The following SAMD12 variants were observed in gnomAD, a reference collection of about 807,000 sequenced individuals.
The protein encoded by SAMD12 is sterile alpha motif domain-containing protein 12.
In SAMD12, 9 loss-of-function variants were observed where a neutral mutation model predicts 15.0. That is an observed-to-expected ratio of 0.60 (90% CI 0.36 to 1.05). The LOEUF (loss-of-function observed/expected upper bound fraction) is 1.05. Among genes scored for constraint, SAMD12 ranks in the 50% least tolerant of loss-of-function variants. The pLI is 0.01. For synonymous variants in SAMD12, 86 were observed against 90.1 expected (o/e 0.96, Z 0.25); for missense variants, 230 against 234.2 (o/e 0.98, Z 0.12).
At chr8:118,537,617 G>T (rs1825881643) in intron 2 of SAMD12, among the ~76,000 whole-genome samples, 1 of 151,966 alleles carries the variant, frequency 6.6e-6, no homozygotes, top group Non-Finnish European at 1.5e-5. Context: ...CAAAATTTCT[G>T]CTTGATTTTT....
intron 3 of SAMD12, among the ~76,000 whole-genome samples, chr8:118,438,165 C>T (rs1303165073): frequency 6.6e-6 from 1 of 152,190 alleles, no homozygotes; most frequent in East Asian, 1.9e-4. Flanking sequence ...AGTACCCACA[C>T]TGCCTTCCGA....
the SAMD12 span, among the ~76,000 whole-genome samples, chr8:118,166,561 C>T: frequency 6.6e-6 from 1 of 152,134 alleles, no homozygotes; most frequent in African/African-American, 2.4e-5. Context: ...ATCCAAAAAC[C>T]TCAAAGAACT....
intron 4 of SAMD12, among the ~76,000 whole-genome samples, chr8:118,260,603 C>T (rs1813053851): frequency 6.6e-6 from 1 of 152,046 alleles, no homozygotes; most frequent in Non-Finnish European, 1.5e-5. Flanking sequence ...GTGAATTGTA[C>T]TAATGATTAC....
exon 5 of SAMD12, chr8:118,193,597 G>C (rs139507997): frequency 1.3e-5 from 2 of 152,154 alleles, no homozygotes; most frequent in South Asian, 4.1e-4. Context: ...ACTGGTCAGC[G>C]TTATTAATCC....
At chr8:118,431,232 C>T (rs1318697438) in intron 3 of SAMD12, among the ~76,000 whole-genome samples, 1 of 152,108 alleles carries the variant, frequency 6.6e-6, no homozygotes, top group African/African-American at 2.4e-5. Flanking sequence ...TGGTATAAAA[C>T]CCAGTGTATT....
chr8:118,546,890 G>A lies in SAMD12; in HGVS notation c.192+33825C>T, dbSNP rs1312372657. ...CAGTTTGCTTTACAGTAGGCTCCTA[G>A]CAAACACAAAACCAAATTCAGGCAT... is the stretch of plus-strand genomic sequence containing the variant. On this transcript the variant is annotated intron_variant, in intron 2 of 3. Coordinates refer to ENST00000314727, the MANE Select transcript of SAMD12 (RefSeq NM_207506.3). 3.3e-5 allele frequency among the ~76,000 whole-genome samples: 5 copies of A among 152,096 alleles called. No homozygotes were observed. The East Asian group carries it at 9.6e-4, about 29-fold the overall frequency.
chr8:118,304,269 T>A (rs756856014), intron 4 of SAMD12, among the ~76,000 whole-genome samples: 5 of 152,218 alleles, frequency 3.3e-5, no homozygotes, highest in Non-Finnish European at 5.9e-5. Context: ...AGATAATATT[T>A]CTTCTGTGAG....
chr8:118,582,234 C>T (rs1334429189), intron 1 of SAMD12, among the ~76,000 whole-genome samples: 2 of 152,108 alleles, frequency 1.3e-5, no homozygotes, highest in Admixed American at 6.6e-5. Context: ...TTAACTGCAG[C>T]CTAGACACAC....
At chr8:118,532,260 A>C (rs1199365852) in intron 2 of SAMD12, among the ~76,000 whole-genome samples, 1 of 152,218 alleles carries the variant, frequency 6.6e-6, no homozygotes, top group Non-Finnish European at 1.5e-5. Flanking sequence ...TGTATGTTGA[A>C]TCAGCCTTGC....
chr8:118,172,753 T>C, the SAMD12 span, among the ~76,000 whole-genome samples: 5 of 152,204 alleles, frequency 3.3e-5, no homozygotes, highest in Non-Finnish European at 7.4e-5. Context: ...TTTCCTTTTT[T>C]TTGTGATAAG....
chr8:118,356,540 C>CTCT (rs1332277205), intron 4 of SAMD12, among the ~76,000 whole-genome samples: 1 of 152,136 alleles, frequency 6.6e-6, no homozygotes, highest in African/African-American at 2.4e-5. Context: ...ACTTTCAGCT[C>CTCT]TCTTACTTGA....
intron 2 of SAMD12, among the ~76,000 whole-genome samples, chr8:118,537,369 C>A (rs988275196): frequency 2.0e-4 from 31 of 151,634 alleles, no homozygotes; most frequent in Admixed American, 2.0e-4. Flanking sequence ...ATATTTCTAT[C>A]CCCCTCTCTC....
chr8:118,447,381 C>A (rs937623415), intron 2 of SAMD12, among the ~76,000 whole-genome samples: 1 of 151,986 alleles, frequency 6.6e-6, no homozygotes, highest in Non-Finnish European at 1.5e-5. Context: ...CAGCTCACTG[C>A]AACCTCTTCC....
chr8:118,446,359 A>C (rs1277591430), intron 2 of SAMD12, among the ~76,000 whole-genome samples: 1 of 152,188 alleles, frequency 6.6e-6, no homozygotes, highest in Non-Finnish European at 1.5e-5. Flanking sequence ...AGTGGGTTCA[A>C]GTTTAAACCT....
chr8:118,517,287 G>A (rs1825270475), intron 2 of SAMD12, among the ~76,000 whole-genome samples: 1 of 152,116 alleles, frequency 6.6e-6, no homozygotes, highest in African/African-American at 2.4e-5. Context: ...AGTGCTCTGG[G>A]GTCAGGTTCA....
At chr8:118,332,500 T>C (rs889539319) in intron 4 of SAMD12, among the ~76,000 whole-genome samples, 1 of 152,248 alleles carries the variant, frequency 6.6e-6, no homozygotes, top group South Asian at 2.1e-4. Context: ...CGTTCGTTTA[T>C]TTAGTCACAA....
intron 4 of SAMD12, among the ~76,000 whole-genome samples, chr8:118,237,074 C>T (rs890610761): frequency 6.6e-6 from 1 of 152,116 alleles, no homozygotes; most frequent in African/African-American, 2.4e-5. Flanking sequence ...GATACCATGT[C>T]CACAGGATTG....
intron 3 of SAMD12, among the ~76,000 whole-genome samples, chr8:118,396,219 C>T (rs898783417): frequency 3.9e-5 from 6 of 152,088 alleles, no homozygotes; most frequent in African/African-American, 7.2e-5. Flanking sequence ...TTATTTAATG[C>T]CACTGAGTCA....
intron 3 of SAMD12, among the ~76,000 whole-genome samples, chr8:118,436,099 G>A (rs1004545629): frequency 3.3e-5 from 5 of 151,958 alleles, no homozygotes; most frequent in Non-Finnish European, 4.4e-5. Context: ...AACCCAAAAT[G>A]TTGTGCTATA....
Sources: allele counts gnomAD v4.1 joint callset (sites outside exome capture counted in the v4.1 genomes callset), GRCh38; gene constraint gnomAD v4.1.1; transcripts MANE v1.5; gene names NCBI Gene and HGNC (gene_info 2026-07-23, HGNC 2026-07-21).